SHANK2: variants seen among roughly 807,000 people sequenced by gnomAD.
SHANK2 encodes the protein SH3 and multiple ankyrin repeat domains protein 2.
Under a neutral mutation model 133.7 loss-of-function variants are expected in SHANK2, and 43 were observed. That is an observed-to-expected ratio of 0.32 (90% CI 0.25 to 0.41). The LOEUF is 0.41. Among genes scored for constraint, SHANK2 ranks in the 10% least tolerant of loss-of-function variants. The pLI is 1.00. For synonymous variants in SHANK2, 1,017 were observed against 952.8 expected, an observed-to-expected ratio of 1.07 and a Z score of -1.24; for missense variants, 1,994 against 2,235.8, an observed-to-expected ratio of 0.89 and a Z score of 2.18.
rs192021062 is a variant in SHANK2, at chr11:70,804,222, G to A, written c.1663+2780C>T. 9.7e-4 allele frequency among the ~76,000 whole-genome samples: 147 copies of A among 152,316 alleles called. 1 individual carries two copies. The highest frequency in any genetic ancestry group is 1.5e-3 in the Non-Finnish European group (104 of 68,028). On this transcript the variant is annotated intron_variant, in intron 13 of 25. Coordinates refer to ENST00000601538, the MANE Select transcript of SHANK2 (RefSeq NM_012309.5). The surrounding 1 kb of genome is among the most constrained non-coding windows in gnomAD (Gnocchi z 4.1). ...TCAAGGGGACAGAATTCCTCCAAAC[G>A]GCCTTGGCTCTGCAGGCAGTGGATC...
chr11:70,554,897 T>C lies in SHANK2; in HGVS notation c.2062-51966A>G, dbSNP rs1430844474. ...CTCACTTCATTGCACTTCACGAACA[T>C]TGCATTTTTTTTTTTTTTAACAAAT... is the stretch of plus-strand genomic sequence containing the variant. On this transcript the variant is annotated intron_variant, in intron 17 of 25. Coordinates refer to ENST00000601538, the MANE Select transcript of SHANK2 (RefSeq NM_012309.5). 1.8e-4 allele frequency among the ~76,000 whole-genome samples: 12 copies of C among 67,198 alleles called. No individual in the cohort carries two copies. In the South Asian group the frequency reaches 3.6e-3, roughly 20 times the overall value. 44.1% of individuals were successfully genotyped at this position (67,198 alleles called of 152,430 possible).
chr11:70,739,220 G>T lies in SHANK2; in HGVS notation c.1778-40457C>A, dbSNP rs1221563541. Reference sequence around the variant, plus strand: ...CAGAGGGCCTGATGGTGGGGATGCGGCATGTGAACTTCAGGGGCACACAAA... The same window carrying T: ...CAGAGGGCCTGATGGTGGGGATGCGTCATGTGAACTTCAGGGGCACACAAA... On this transcript the variant is annotated intron_variant, in intron 14 of 25. Transcript: ENST00000601538. The surrounding 1 kb of genome is among the most constrained non-coding windows in gnomAD (Gnocchi z 4.3). Among the ~76,000 whole-genome samples the T allele has an allele frequency of 6.6e-6, 1 of 152,192 alleles. No individual in the cohort carries two copies. The highest frequency in any genetic ancestry group is 2.4e-5 in the African/African-American group (1 of 41,458).
intron 17 of SHANK2, among the ~76,000 whole-genome samples, chr11:70,537,524 A>G (rs1554974360): frequency 6.6e-6 from 1 of 152,238 alleles, no homozygotes; most frequent in African/African-American, 2.4e-5. Context: ...CCCAGAAGCT[A>G]GAAGTGGCAG....
At chr11:70,723,186 G>C (rs1555029635) in intron 14 of SHANK2, among the ~76,000 whole-genome samples, 2 of 152,134 alleles carry the variant, frequency 1.3e-5, no homozygotes, top group Non-Finnish European at 1.5e-5. Flanking sequence ...TCTCAGACTT[G>C]CTTCTTCCAA....
intron 17 of SHANK2, among the ~76,000 whole-genome samples, chr11:70,559,369 AATGCAGAGAGC>A (rs1369382238): frequency 6.6e-6 from 1 of 152,152 alleles, no homozygotes; most frequent in Non-Finnish European, 1.5e-5. Flanking sequence ...AAAAGAAACC[AATGCAGAGAGC>A]GTTCAGAGAG....
chr11:70,691,247 A>C (rs1945283563), intron 15 of SHANK2, among the ~76,000 whole-genome samples: 1 of 152,130 alleles, frequency 6.6e-6, no homozygotes, highest in Non-Finnish European at 1.5e-5. Context: ...CAGCCCAGGG[A>C]AACAGCAGGA....
intron 17 of SHANK2, among the ~76,000 whole-genome samples, chr11:70,629,605 G>A (rs1246156554): frequency 1.3e-5 from 2 of 152,058 alleles, no homozygotes; most frequent in African/African-American, 2.4e-5. Context: ...AAGGGCCTCC[G>A]AACTGCTGCC....
intron 14 of SHANK2, among the ~76,000 whole-genome samples, chr11:70,733,962 C>T (rs1409962205): frequency 1.3e-5 from 2 of 152,318 alleles, no homozygotes; most frequent in African/African-American, 4.8e-5. Flanking sequence ...GACCTGGAGA[C>T]AAAGCGAAGC....
At chr11:71,097,823 TGCAGGCTGGA>T (rs1295654016) in intron 6 of SHANK2, among the ~76,000 whole-genome samples, 5 of 152,358 alleles carry the variant, frequency 3.3e-5, no homozygotes, top group Non-Finnish European at 1.5e-5. Context: ...CACAGGGCAG[TGCAGGCTGGA>T]GCATGTGTAC....
At chr11:70,855,616 A>G (rs1425397171) in intron 11 of SHANK2, among the ~76,000 whole-genome samples, 1 of 152,268 alleles carries the variant, frequency 6.6e-6, no homozygotes, top group Non-Finnish European at 1.5e-5. Flanking sequence ...CTGGTCTCCA[A>G]CTTCACAAGA....
intron 2 of SHANK2, among the ~76,000 whole-genome samples, chr11:71,204,914 C>G (rs899641483): frequency 1.3e-5 from 2 of 152,110 alleles, no homozygotes; most frequent in African/African-American, 4.8e-5. Flanking sequence ...AGGAGGGTCC[C>G]TCTGCAGATG....
At chr11:70,675,706 G>A (rs954403904) in intron 15 of SHANK2, among the ~76,000 whole-genome samples, 1 of 152,216 alleles carries the variant, frequency 6.6e-6, no homozygotes, top group Non-Finnish European at 1.5e-5. Flanking sequence ...ACCCTGGGAT[G>A]CTCTGAGAAG....
intron 14 of SHANK2, among the ~76,000 whole-genome samples, chr11:70,721,452 C>T (rs1555029144): frequency 6.6e-6 from 1 of 152,212 alleles, no homozygotes; most frequent in African/African-American, 2.4e-5. Flanking sequence ...TGGTGCTCCA[C>T]CACAGGGAAT....
chr11:70,808,608 AT>A (rs1407366104), intron 12 of SHANK2, among the ~76,000 whole-genome samples: 3 of 148,848 alleles, frequency 2.0e-5, no homozygotes, highest in Non-Finnish European at 4.4e-5. Context: ...GGTGCTGTGC[AT>A]TTGTGGTTCT....
At chr11:70,584,201 C>T (rs892771625) in intron 17 of SHANK2, among the ~76,000 whole-genome samples, 4 of 152,162 alleles carry the variant, frequency 2.6e-5, no homozygotes, top group Admixed American at 6.5e-5. Flanking sequence ...GGCACACTTG[C>T]GGGTCTGGTG....
At chr11:71,233,798 A>T (rs918431891) in intron 1 of SHANK2, among the ~76,000 whole-genome samples, 5 of 152,212 alleles carry the variant, frequency 3.3e-5, no homozygotes, top group Admixed American at 1.3e-4. Flanking sequence ...CTGTAATCCC[A>T]GCACTTTGGG....
chr11:70,836,549 C>G (rs1018265016), intron 11 of SHANK2, among the ~76,000 whole-genome samples: 1 of 152,216 alleles, frequency 6.6e-6, no homozygotes, highest in Non-Finnish European at 1.5e-5. Context: ...CATGGGTAGA[C>G]GCTGTCTGGA....
In SHANK2 at chr11:71,175,988, C is replaced by T. The variant is rs1160701781; in HGVS notation, c.-12-28650G>A. ...TCCCTTATTCAGAATATGATGGATG[C>T]AAGCATGTAACAAACCACCTTAGGC... On this transcript the variant is annotated intron_variant, in intron 2 of 25. Coordinates refer to ENST00000601538, the MANE Select transcript of SHANK2 (RefSeq NM_012309.5). The surrounding 1 kb of genome is among the most constrained non-coding windows in gnomAD (Gnocchi z 4.2). Among the ~76,000 whole-genome samples the T allele has an allele frequency of 1.3e-5, 2 of 152,178 alleles. No individual in the cohort carries two copies. The highest frequency in any genetic ancestry group is 4.8e-5 in the African/African-American group (2 of 41,444).
At chr11:71,070,365 T>C (rs1951127443) in intron 9 of SHANK2, among the ~76,000 whole-genome samples, 2 of 152,098 alleles carry the variant, frequency 1.3e-5, no homozygotes, top group Admixed American at 1.3e-4. Context: ...GGCCAACCAG[T>C]CCAGAGCCTA....
Sources: allele counts gnomAD v4.1 joint callset (sites outside exome capture counted in the v4.1 genomes callset), GRCh38; gene constraint gnomAD v4.1.1; non-coding constraint Gnocchi (gnomAD v3.1); transcripts MANE v1.5; gene names NCBI Gene and HGNC (gene_info 2026-07-23, HGNC 2026-07-21).